Variants in HFM1 observed in about 807,000 individuals in gnomAD.
The protein encoded by HFM1 is probable ATP-dependent DNA helicase HFM1.
HFM1 carries 169 observed loss-of-function variants against 192.1 expected under a neutral mutation model. The observed-to-expected ratio is 0.88, with a 90% CI of 0.78 to 1.00. HFM1 has a LOEUF of 1.00. Ranked by LOEUF, HFM1 falls within the 50% of genes least tolerant of loss-of-function variation. HFM1 has a pLI of 0.00. For synonymous variants in HFM1, 525 were observed against 537.8 expected, an observed-to-expected ratio of 0.98 and a Z score of 0.33; for missense variants, 1,661 against 1,668.0, an observed-to-expected ratio of 1.00 and a Z score of 0.07.
At chr1:91,279,830 G>C (rs1667297160) in intron 30 of HFM1, among the ~76,000 whole-genome samples, 1 of 151,932 alleles carries the variant, frequency 6.6e-6, no homozygotes, top group African/African-American at 2.4e-5. Context: ...CATTTTCTCT[G>C]TGCCTCTTGC....
At position 91,398,664 on chromosome 1, in the gene HFM1, T is replaced by C. The variant is rs889415843; in HGVS notation, c.72-2259A>G. On this transcript the variant is annotated intron_variant, in intron 2 of 38. Coordinates refer to ENST00000370425, the MANE Select transcript of HFM1 (RefSeq NM_001017975.6). The stretch of plus-strand genomic sequence containing the variant: ...ACTGAACTCCCTGTTGTATAACAAA[T>C]AGATAATGCATTGTCTCTCCTCATC... 2.4e-4 allele frequency among the ~76,000 whole-genome samples: 37 copies of C among 152,062 alleles called. 1 individual carries two copies. Among genetic ancestry groups the C allele is most frequent in the African/African-American group, 8.7e-4 (36 of 41,418 alleles).
At chr1:91,264,256 C>T (rs1044391679) in intron 36 of HFM1, among the ~76,000 whole-genome samples, 1 of 151,614 alleles carries the variant, frequency 6.6e-6, no homozygotes, top group African/African-American at 2.4e-5. Context: ...CAAAGTCGCC[C>T]CTAGCTCTGG....
intron 29 of HFM1, 87 bp from the exon 30 acceptor site, chr1:91,313,582 A>G (rs1650786009): frequency 3.3e-6 from 3 of 917,758 alleles, no homozygotes; most frequent in Non-Finnish European, 3.1e-6. Flanking sequence ...TCTCTCTTAC[A>G]TTTTTATAAC....
intron 20 of HFM1, chr1:91,329,313 G>A (rs926787148): frequency 3.1e-6 from 5 of 1,607,456 alleles, no homozygotes; most frequent in Non-Finnish European, 4.2e-6. Context: ...CGTGTGTGGT[G>A]AAAAGCAGTT....
chr1:91,395,025 A>G (rs991341690), intron 3 of HFM1, among the ~76,000 whole-genome samples: 1 of 151,880 alleles, frequency 6.6e-6, no homozygotes, highest in African/African-American at 2.4e-5. Context: ...TGATATAAGT[A>G]TATATATAAC....
At chr1:91,371,700 A>G (rs969799712) in intron 13 of HFM1, among the ~76,000 whole-genome samples, 4 of 147,610 alleles carry the variant, frequency 2.7e-5, no homozygotes, top group African/African-American at 1.0e-4. Flanking sequence ...TTCATGTCTA[A>G]AACATTAAAA....
chr1:91,274,062 G>A (rs1666572065), intron 33 of HFM1, among the ~76,000 whole-genome samples: 1 of 152,006 alleles, frequency 6.6e-6, no homozygotes, highest in African/African-American at 2.4e-5. Flanking sequence ...CTATTCTGAT[G>A]AGTCAGTTCC....
chr1:91,302,763 C>T (rs616661), intron 30 of HFM1, among the ~76,000 whole-genome samples: 113,822 of 143,078 alleles, frequency 0.8, 45,582 homozygotes, highest in East Asian at 1. Context: ...AGTGGAACAT[C>T]ACACTCTGGG....
At chr1:91,263,026 A>G (rs959969400) in intron 36 of HFM1, among the ~76,000 whole-genome samples, 3 of 152,128 alleles carry the variant, frequency 2.0e-5, no homozygotes, top group Non-Finnish European at 4.4e-5. Flanking sequence ...TTCTGTATTA[A>G]CTCATTCACT....
chr1:91,264,615 C>T (rs1311824959), intron 36 of HFM1, among the ~76,000 whole-genome samples: 1 of 151,088 alleles, frequency 6.6e-6, no homozygotes, highest in Non-Finnish European at 1.5e-5. Flanking sequence ...CCTCGTGATC[C>T]GCCCGCCTCG....
chr1:91,351,787 T>G lies in HFM1; in HGVS notation c.1978-144A>C, dbSNP rs562515694. On this transcript the variant is annotated intron_variant, in intron 16 of 38. Transcript: ENST00000370425. The stretch of plus-strand genomic sequence containing the variant: ...AAAAAGGCCTTAAAAATGCTCTCAT[T>G]TTTTTAACCTAAAATTTAATTTAAA... The G allele has an allele frequency of 3.7e-4, 150 of 408,374 alleles. No individual in the cohort carries two copies. In the Middle Eastern group the frequency reaches 8.1e-3, roughly 22 times the overall value. The allele number at this position is 408,374 out of a possible 1,614,324, so 25.3% of individuals were successfully genotyped here.
Position 91,316,489 on chromosome 1 carries a change from A to T in HFM1, c.2813-13T>A. The T allele has an allele frequency of 7.9e-7, 1 of 1,259,390 alleles. No individual in the cohort carries two copies. The highest frequency in any genetic ancestry group is 1.1e-6 in the Non-Finnish European group (1 of 914,292). The allele number at this position is 1,259,390 out of a possible 1,614,324, so 78.0% of individuals were successfully genotyped here. ...GACAATGTTATACCTGTGGAAAATT[A>T]ATCAAACAACAACTTAAAAATAATG... is the stretch of plus-strand genomic sequence containing the variant. On this transcript the variant is annotated splice_polypyrimidine_tract_variant and intron_variant, in intron 25 of 38. Transcript: ENST00000370425.
At chr1:91,378,909 C>T (rs1279903652) in intron 9 of HFM1, 154 bp downstream of exon 9, 5 of 530,418 alleles carry the variant, frequency 9.4e-6, no homozygotes, top group Non-Finnish European at 1.6e-5. Context: ...GGTATTCTGT[C>T]TGTACCTTGA....
chr1:91,393,806 T>G (rs902170130), intron 4 of HFM1, among the ~76,000 whole-genome samples: 1 of 152,134 alleles, frequency 6.6e-6, no homozygotes, highest in African/African-American at 2.4e-5. Flanking sequence ...TCTCAAACTT[T>G]TGTGTGCATA....
chr1:91,287,342 A>G lies in HFM1; in HGVS notation c.3392-10280T>C, dbSNP rs372345426. On this transcript the variant is annotated intron_variant, in intron 30 of 38. Coordinates refer to ENST00000370425, the MANE Select transcript of HFM1 (RefSeq NM_001017975.6). ...AAGGGGCAGACTGCCTCCTCAAGTG[A>G]GTCCCTGACCCCTGACCCCCAAGCA... is the stretch of plus-strand genomic sequence containing the variant. 3.0e-3 allele frequency among the ~76,000 whole-genome samples: 453 copies of G among 152,092 alleles called. 2 individuals are homozygous for G. The highest frequency in any genetic ancestry group is 6.6e-3 in the Admixed American group (101 of 15,240).
chr1:91,262,061 A>T, intron 38 of HFM1, 180 bp downstream of exon 38: 1 of 377,660 alleles, frequency 2.6e-6, no homozygotes, highest in Non-Finnish European at 4.8e-6. Flanking sequence ...AAACTGAGGT[A>T]TATGATGTTT....
chr1:91,324,358 A>G (rs901607354), intron 21 of HFM1, among the ~76,000 whole-genome samples: 2 of 152,190 alleles, frequency 1.3e-5, no homozygotes, highest in Non-Finnish European at 2.9e-5. Flanking sequence ...TCTTTCTTAC[A>G]TATTATTACA....
intron 30 of HFM1, among the ~76,000 whole-genome samples, chr1:91,283,762 A>G (rs281941): frequency 1 from 152,063 of 152,246 alleles, 75,940 homozygotes; most frequent in Non-Finnish European, 1. Flanking sequence ...ACTTTAACAG[A>G]GTCATTAACA....
chr1:91,353,214 C>T, intron 14 of HFM1, 42 bp downstream of exon 14: 1 of 1,560,600 alleles, frequency 6.4e-7, no homozygotes, highest in Non-Finnish European at 8.8e-7. Flanking sequence ...CACCTTTCAT[C>T]TATATGTGAA....
Sources: gnomAD v4.1 joint callset for allele counts (sites outside exome capture counted in the v4.1 genomes callset) on GRCh38, gnomAD v4.1.1 for gene constraint, MANE v1.5 for transcripts, NCBI Gene and HGNC (gene_info 2026-07-23, HGNC 2026-07-21) for gene names.